NIBAN1: variants seen among roughly 807,000 people sequenced by gnomAD.
NIBAN1 encodes the protein protein Niban 1.
In NIBAN1, 81 loss-of-function variants were observed where a neutral mutation model predicts 75.1. The observed-to-expected ratio is 1.08, with a 90% confidence interval of 0.90 to 1.30. The LOEUF is 1.30. Among genes scored for constraint, NIBAN1 ranks in the 50% most tolerant of loss-of-function variants. NIBAN1 has a pLI of 0.00. For synonymous variants in NIBAN1, 436 were observed against 424.8 expected (o/e 1.03, Z -0.32); for missense variants, 1,133 against 1,128.1 (o/e 1.00, Z -0.06).
chr1:184,833,889 A>G (rs1387181573), intron 5 of NIBAN1, among the ~76,000 whole-genome samples: 1 of 150,018 alleles, frequency 6.7e-6, no homozygotes, highest in African/African-American at 2.5e-5. Context: ...TTTAAGTTCT[A>G]GGGTACATGT....
At chr1:184,946,303 A>G (rs1180706878) in intron 1 of NIBAN1, among the ~76,000 whole-genome samples, 1 of 152,220 alleles carries the variant, frequency 6.6e-6, no homozygotes, top group African/African-American at 2.4e-5. Flanking sequence ...TGGTTACAGA[A>G]AAAGGAAGCT....
intron 5 of NIBAN1, among the ~76,000 whole-genome samples, chr1:184,876,124 G>A (rs1321161914): frequency 6.6e-6 from 1 of 151,066 alleles, no homozygotes; most frequent in African/African-American, 2.4e-5. Flanking sequence ...AGTGAGCCAA[G>A]ATCGCGCCAT....
intron 1 of NIBAN1, among the ~76,000 whole-genome samples, chr1:184,940,086 T>A (rs1420713233): frequency 1.3e-5 from 2 of 152,100 alleles, no homozygotes; most frequent in African/African-American, 4.8e-5. Context: ...GAAGGCAATG[T>A]CTCCAGATGC....
chr1:184,860,596 G>A (rs959919249), intron 5 of NIBAN1, among the ~76,000 whole-genome samples: 7 of 152,138 alleles, frequency 4.6e-5, no homozygotes, highest in African/African-American at 1.7e-4. Context: ...GTCAGTCATT[G>A]TACTAAGTAC....
At chr1:184,963,437 A>C (rs1658701714) in intron 1 of NIBAN1, among the ~76,000 whole-genome samples, 1 of 152,174 alleles carries the variant, frequency 6.6e-6, no homozygotes, top group African/African-American at 2.4e-5. Flanking sequence ...TAGTAAATTC[A>C]ATAAAAAATG....
At chr1:184,824,279 G>A (rs1441789866) in intron 6 of NIBAN1, among the ~76,000 whole-genome samples, 1 of 152,102 alleles carries the variant, frequency 6.6e-6, no homozygotes, top group Non-Finnish European at 1.5e-5. Context: ...AACGAAGGGA[G>A]GAGCAGTGTG....
intron 9 of NIBAN1, among the ~76,000 whole-genome samples, chr1:184,814,047 CAT>C (rs1402896938): frequency 6.6e-6 from 1 of 152,148 alleles, no homozygotes; most frequent in Non-Finnish European, 1.5e-5. Context: ...ATTATAAGAA[CAT>C]ATGGAAATGT....
chr1:184,941,668 A>AG (rs1484268834), intron 1 of NIBAN1, among the ~76,000 whole-genome samples: 1 of 151,990 alleles, frequency 6.6e-6, no homozygotes, highest in East Asian at 1.9e-4. Flanking sequence ...AAAAAAAAAA[A>AG]AAACCTGGGA....
At chr1:184,814,923 A>G (rs1353763954) in intron 9 of NIBAN1, among the ~76,000 whole-genome samples, 1 of 152,200 alleles carries the variant, frequency 6.6e-6, no homozygotes, top group African/African-American at 2.4e-5. Context: ...TCCTTCCTGA[A>G]TCCTTAAGCT....
chr1:184,798,756 C>T (rs1315526934), intron 12 of NIBAN1, among the ~76,000 whole-genome samples: 1 of 152,050 alleles, frequency 6.6e-6, no homozygotes. Flanking sequence ...CAAAGTTCCC[C>T]CACCCCACTT....
At chr1:184,920,321 A>G (rs1222860034) in intron 1 of NIBAN1, among the ~76,000 whole-genome samples, 1 of 152,236 alleles carries the variant, frequency 6.6e-6, no homozygotes, top group Non-Finnish European at 1.5e-5. Flanking sequence ...GATATTTGCA[A>G]TGTGTAATGA....
At chr1:184,839,754 C>T (rs960770207) in intron 5 of NIBAN1, among the ~76,000 whole-genome samples, 4 of 152,036 alleles carry the variant, frequency 2.6e-5, no homozygotes, top group Non-Finnish European at 5.9e-5. Context: ...CACCACCACG[C>T]CCAGCTAATT....
At chr1:184,863,248 GA>G (rs1397940338) in intron 5 of NIBAN1, among the ~76,000 whole-genome samples, 1 of 152,124 alleles carries the variant, frequency 6.6e-6, no homozygotes. Flanking sequence ...TGGAACTACT[GA>G]TACCTTATTC....
chr1:184,970,262 T>A (rs1474152761), intron 1 of NIBAN1, among the ~76,000 whole-genome samples: 1 of 151,902 alleles, frequency 6.6e-6, no homozygotes, highest in Non-Finnish European at 1.5e-5. Flanking sequence ...AACTTTCTCA[T>A]CATAGTATAT....
chr1:184,928,687 A>G (rs1234769300), intron 1 of NIBAN1, among the ~76,000 whole-genome samples: 3 of 152,086 alleles, frequency 2.0e-5, no homozygotes, highest in African/African-American at 7.2e-5. Context: ...GTGCCATGCG[A>G]CCACTGCCAG....
intron 1 of NIBAN1, among the ~76,000 whole-genome samples, chr1:184,906,307 T>G (rs1657102684): frequency 6.7e-6 from 1 of 150,050 alleles, no homozygotes; most frequent in African/African-American, 2.5e-5. Context: ...ACACACACAT[T>G]TGAAATTCAA....
chr1:184,963,759 A>G (rs182644327), intron 1 of NIBAN1, among the ~76,000 whole-genome samples: 5 of 152,340 alleles, frequency 3.3e-5, no homozygotes, highest in Non-Finnish European at 5.9e-5. Flanking sequence ...ATGAAAGAAA[A>G]GCATGTATTA....
chr1:184,868,046 T>A (rs999713569), intron 5 of NIBAN1: 11 of 985,404 alleles, frequency 1.1e-5, no homozygotes, highest in Non-Finnish European at 1.3e-5. Flanking sequence ...CATGCCCTGA[T>A]CTCCCACCAG....
chr1:184,842,706 T>C (rs1267492539), intron 5 of NIBAN1, among the ~76,000 whole-genome samples: 1 of 149,130 alleles, frequency 6.7e-6, no homozygotes, highest in East Asian at 2.0e-4. Context: ...TGAGCCGAGA[T>C]TGTGCCTTTG....
Sources: gnomAD v4.1 joint callset for allele counts (sites outside exome capture counted in the v4.1 genomes callset) on GRCh38, gnomAD v4.1.1 for gene constraint, MANE v1.5 for transcripts, NCBI Gene and HGNC (gene_info 2026-07-23, HGNC 2026-07-21) for gene names.